Variants in RBFOX3 observed in about 807,000 individuals in gnomAD.
RBFOX3 encodes the protein RNA binding protein fox-1 homolog 3.
In RBFOX3, 17 loss-of-function variants were observed where a neutral mutation model predicts 48.7. The observed-to-expected ratio is 0.35, with a 90% CI of 0.24 to 0.52. The LOEUF (loss-of-function observed/expected upper bound fraction) is 0.52. RBFOX3 is among the 20% of genes least tolerant of loss of function. The probability of loss-of-function intolerance (pLI) is 0.94; values close to 1 mark genes in which losing one functional copy is unlikely to be tolerated. For missense variants in RBFOX3, 382 were observed against 497.5 expected (o/e 0.77, Z 2.21); for synonymous variants, 212 against 209.5 (o/e 1.01, Z -0.10).
In RBFOX3 at chr17:79,090,479, C is replaced by T. The variant is rs879343617; in HGVS notation, c.*404G>A. On this transcript the variant is annotated 3_prime_UTR_variant, in exon 15 of 15. Transcript: ENST00000693108. ...TGCCTGCTCAGGCCCGGGCCTGCTC[C>T]GCCGCCGCTGGGCTCCACACTGTCT... 78 of 195,760 alleles carry T rather than the reference C, an allele frequency of 4.0e-4. No homozygotes were observed. Among genetic ancestry groups the T allele is most frequent in the Admixed American group, 1.6e-3 (27 of 17,240 alleles). The allele number at this position is 195,760 out of a possible 1,614,324, so 12.1% of individuals were successfully genotyped here.
chr17:79,137,456 C>T (rs1038874180), intron 4 of RBFOX3, among the ~76,000 whole-genome samples: 3 of 152,222 alleles, frequency 2.0e-5, no homozygotes, highest in Admixed American at 6.5e-5. Flanking sequence ...GACCCAGACA[C>T]GCCTTACCCG....
chr17:79,508,479 T>G (rs2083516216), intron 1 of RBFOX3, among the ~76,000 whole-genome samples: 2 of 152,178 alleles, frequency 1.3e-5, no homozygotes, highest in Admixed American at 1.3e-4. Context: ...TTGTTGTTAT[T>G]CTTCTCAGTG....
At chr17:79,509,566 C>A (rs1240479077) in intron 1 of RBFOX3, among the ~76,000 whole-genome samples, 2 of 152,200 alleles carry the variant, frequency 1.3e-5, no homozygotes, top group African/African-American at 2.4e-5. Context: ...TCCGGCTGGT[C>A]TAAATGGCCA....
In RBFOX3 at chr17:79,416,425, A is replaced by G. The variant is rs527454049; in HGVS notation, c.-175+66029T>C. 2.4e-4 allele frequency among the ~76,000 whole-genome samples: 36 copies of G among 152,336 alleles called. 1 individual carries two copies. The highest frequency in any genetic ancestry group is 8.2e-4 in the African/African-American group (34 of 41,578). ...CTGCTAGGCATAGTATAGGGCAAGG[A>G]TAGCACCACAGTCCCCATTCTCACT... On this transcript the variant is annotated intron_variant, in intron 2 of 14. Transcript: ENST00000693108.
At chr17:79,297,983 C>T (rs1456660362) in intron 3 of RBFOX3, among the ~76,000 whole-genome samples, 2 of 152,218 alleles carry the variant, frequency 1.3e-5, no homozygotes, top group African/African-American at 2.4e-5. Flanking sequence ...CTGGTAGCTT[C>T]TCCTTGTGGA....
intron 2 of RBFOX3, among the ~76,000 whole-genome samples, chr17:79,455,278 G>T (rs8069539): frequency 0.33 from 49,628 of 151,906 alleles, 9,100 homozygotes; most frequent in Non-Finnish European, 0.42. Context: ...GAGCGGAGAG[G>T]GGGAGAGGCA....
rs71161654 is a variant in RBFOX3 at position 79,234,721 on chromosome 17, C to CTTTTTTTTTTTTTTTTTTTTTT, written c.-34+1023_-34+1044dup. 3.2e-5 allele frequency: 2 copies of CTTTTTTTTTTTTTTTTTTTTTT among 61,828 alleles called. 1 individual carries two copies. Among genetic ancestry groups the CTTTTTTTTTTTTTTTTTTTTTT allele is most frequent in the African/African-American group, 1.6e-4 (2 of 12,576 alleles). 3.8% of individuals were successfully genotyped at this position (61,828 alleles called of 1,614,324 possible). ...TTGGGTTTATTGGGGGCATTAAGTG[C>CTTTTTTTTTTTTTTTTTTTTTT]TTTTTTTTTTTTTTTTTTTTTTTTT... On this transcript the variant is annotated intron_variant, in intron 4 of 14. Coordinates refer to ENST00000693108, the MANE Select transcript of RBFOX3 (RefSeq NM_001350451.2).
At chr17:79,521,449 GAC>G (rs1258831998) in intron 1 of RBFOX3, among the ~76,000 whole-genome samples, 1 of 138,058 alleles carries the variant, frequency 7.2e-6, no homozygotes, top group African/African-American at 3.1e-5. Flanking sequence ...CATAGGCACA[GAC>G]ACATACACAG....
At chr17:79,327,987 C>G (rs200874459) in intron 2 of RBFOX3, among the ~76,000 whole-genome samples, 1 of 152,348 alleles carries the variant, frequency 6.6e-6, no homozygotes, top group South Asian at 2.1e-4. Flanking sequence ...AGCCACCGCA[C>G]CTGGCCTTCC....
intron 2 of RBFOX3, among the ~76,000 whole-genome samples, chr17:79,414,093 C>T (rs945354195): frequency 6.6e-6 from 1 of 152,140 alleles, no homozygotes; most frequent in Non-Finnish European, 1.5e-5. Context: ...TGTTATTCTA[C>T]CCAGGATCCA....
chr17:79,165,552 C>T (rs866916602), intron 4 of RBFOX3, among the ~76,000 whole-genome samples: 1 of 152,156 alleles, frequency 6.6e-6, no homozygotes, highest in Non-Finnish European at 1.5e-5. Flanking sequence ...CCAGCCATCC[C>T]GGGAGGTGAC....
chr17:79,456,804 G>C (rs869443), intron 2 of RBFOX3, among the ~76,000 whole-genome samples: 3 of 151,834 alleles, frequency 2.0e-5, no homozygotes, highest in South Asian at 2.1e-4. Flanking sequence ...ACACAAGCTC[G>C]AGAGGTCTGG....
intron 4 of RBFOX3, among the ~76,000 whole-genome samples, chr17:79,210,483 G>A (rs1364814455): frequency 2.6e-5 from 4 of 152,180 alleles, no homozygotes; most frequent in Admixed American, 6.5e-5. Context: ...TCGAGTGCCC[G>A]CCGCATACTT....
At chr17:79,540,811 A>G (rs1218762505) in intron 1 of RBFOX3, among the ~76,000 whole-genome samples, 2 of 152,178 alleles carry the variant, frequency 1.3e-5, no homozygotes, top group African/African-American at 4.8e-5. Flanking sequence ...AGCATTTCTG[A>G]GAGTTTAGGG....
chr17:79,446,480 C>T (rs1162212537), intron 2 of RBFOX3, among the ~76,000 whole-genome samples: 1 of 152,152 alleles, frequency 6.6e-6, no homozygotes, highest in Non-Finnish European at 1.5e-5. Context: ...AGACATCAGA[C>T]CAAACTGAAG....
intron 1 of RBFOX3, among the ~76,000 whole-genome samples, chr17:79,595,060 C>T (rs1012163938): frequency 1.2e-4 from 18 of 152,218 alleles, no homozygotes; most frequent in African/African-American, 3.9e-4. Flanking sequence ...CCTCAGAAGA[C>T]GCTGATCCCC....
chr17:79,529,640 CA>C (rs1264466823), intron 1 of RBFOX3, among the ~76,000 whole-genome samples: 1 of 152,168 alleles, frequency 6.6e-6, no homozygotes, highest in Non-Finnish European at 1.5e-5. Flanking sequence ...GTAGAGGACA[CA>C]GTCTGTGGCA....
rs1383774500 is a variant in RBFOX3, at chr17:79,392,199, C to A, written c.-174-84375G>T. On this transcript the variant is annotated intron_variant, in intron 2 of 14. Transcript: ENST00000693108. The surrounding 1 kb of genome is among the most constrained non-coding windows in gnomAD (Gnocchi z 5.0). Reference sequence around the variant, plus strand: ...AAGAAAACTGGGGCAGCCTCCTCACCCCCGTCTCTTTTCTCAGTGGTTAGT... The same window carrying A: ...AAGAAAACTGGGGCAGCCTCCTCACACCCGTCTCTTTTCTCAGTGGTTAGT... Among the ~76,000 whole-genome samples, 1 of 152,172 alleles carries A rather than the reference C, an allele frequency of 6.6e-6. No homozygotes were observed. The highest frequency in any genetic ancestry group is 2.4e-5 in the African/African-American group (1 of 41,448).
chr17:79,497,979 G>A (rs1412488678), intron 1 of RBFOX3, among the ~76,000 whole-genome samples: 1 of 152,244 alleles, frequency 6.6e-6, no homozygotes, highest in Non-Finnish European at 1.5e-5. Flanking sequence ...ATGTGCAGGA[G>A]GCTCCAGAAG....
Sources: allele counts gnomAD v4.1 joint callset (sites outside exome capture counted in the v4.1 genomes callset), GRCh38; gene constraint gnomAD v4.1.1; non-coding constraint Gnocchi (gnomAD v3.1); transcripts MANE v1.5; gene names NCBI Gene and HGNC (gene_info 2026-07-23, HGNC 2026-07-21).